BRDT: variants seen among roughly 807,000 people sequenced by gnomAD.
The protein encoded by BRDT is bromodomain testis-specific protein.
In BRDT, 77 loss-of-function variants were observed where a neutral mutation model predicts 113.9. The observed-to-expected ratio is 0.68, with a 90% CI of 0.56 to 0.82. The LOEUF is 0.82. Among genes scored for constraint, BRDT ranks in the 40% least tolerant of loss-of-function variants. The pLI, the probability that BRDT is intolerant of heterozygous loss-of-function variation, is 0.00. For missense variants in BRDT, 1,027 were observed against 1,105.4 expected (o/e 0.93, Z 1.01); for synonymous variants, 358 against 366.5 (o/e 0.98, Z 0.26).
At chr1:92,005,816 T>C (rs1687245460) in intron 18 of BRDT, among the ~76,000 whole-genome samples, 1 of 152,248 alleles carries the variant, frequency 6.6e-6, no homozygotes, top group African/African-American at 2.4e-5. Flanking sequence ...TCACTTACTA[T>C]TGTTACTGTT....
chr1:92,001,495 A>T (rs1427679794), intron 15 of BRDT, among the ~76,000 whole-genome samples: 1 of 152,200 alleles, frequency 6.6e-6, no homozygotes, highest in African/African-American at 2.4e-5. Flanking sequence ...CAGGAGTTCA[A>T]GTCCAGCCTG....
chr1:91,977,834 C>T (rs1684306303), intron 6 of BRDT, among the ~76,000 whole-genome samples: 1 of 152,018 alleles, frequency 6.6e-6, no homozygotes, highest in African/African-American at 2.4e-5. Context: ...TCATCCACTG[C>T]ACTCCAGGCT....
In BRDT at chr1:91,954,271, A is replaced by AT. The variant is rs34674557; in HGVS notation, c.-38+4615dup. ...TTAGGTGCGAGCCACGGTGCTCGGC[A>AT]TTTTTTTTTTTTTTTTTTTTTTTTT... On this transcript the variant is annotated intron_variant, in intron 1 of 18. Coordinates refer to ENST00000399546, the MANE Select transcript of BRDT (RefSeq NM_207189.4). Among the ~76,000 whole-genome samples, 608 of 79,780 alleles carry AT rather than the reference A, an allele frequency of 7.6e-3. 23 individuals carry two copies. Among genetic ancestry groups the AT allele is most frequent in the East Asian group, 0.025 (68 of 2,734 alleles). The allele number at this position is 79,780 out of a possible 152,430, so 52.3% of individuals were successfully genotyped here.
intron 3 of BRDT, 21 bp downstream of exon 3, chr1:91,964,785 A>G (rs1287755457): frequency 7.2e-7 from 1 of 1,388,774 alleles, no homozygotes; most frequent in Non-Finnish European, 9.6e-7. Context: ...CTTATGTTAT[A>G]CTTGCTAATT....
At position 91,976,319 on chromosome 1, in the gene BRDT, G is replaced by A. The variant is rs112246679; in HGVS notation, c.499G>A (p.Ala167Thr). The A allele has an allele frequency of 3.1e-3, 4,966 of 1,611,584 alleles. 21 individuals are homozygous for A. The highest frequency in any genetic ancestry group is 8.1e-3 in the Middle Eastern group (49 of 6,054). The change falls in exon 5 of 19, where the codon GCA (alanine) becomes ACA (threonine). Residue 167 changes from alanine (A) to threonine (T), a missense_variant. By Grantham distance (58) the Ala-to-Thr change is moderately conservative. Coordinates refer to ENST00000399546, the MANE Select transcript of BRDT (RefSeq NM_207189.4). ...TGCTAAAGAAAAATCATCACCCAGC[G>A]CAACAGAAAAAGTATTTAAGCAGCA... Reference protein sequence around the residue: ...SSAKEKSSPSATEKVFKQQEI... With the variant: ...SSAKEKSSPSTTEKVFKQQEI...
In BRDT at chr1:91,981,527, C is replaced by T. The variant is rs550420969; in HGVS notation, c.1865-91C>T. 18 of 1,560,072 alleles carry T rather than the reference C, an allele frequency of 1.2e-5. No homozygotes were observed. In the South Asian group the frequency reaches 1.6e-4, roughly 14 times the overall value. ...TCAAAGTGCTGAGATTACAGGCATG[C>T]GCGACCATGCCCAGCCTAGGTGGCA... On this transcript the variant is annotated intron_variant, in intron 11 of 18. Coordinates refer to ENST00000399546, the MANE Select transcript of BRDT (RefSeq NM_207189.4).
At chr1:91,993,637 A>G (rs1271321040) in intron 14 of BRDT, among the ~76,000 whole-genome samples, 1 of 152,196 alleles carries the variant, frequency 6.6e-6, no homozygotes, top group African/African-American at 2.4e-5. Flanking sequence ...GTAATTTTAA[A>G]TTTATCCCCT....
intron 2 of BRDT, among the ~76,000 whole-genome samples, 162 bp from the exon 3 acceptor site, chr1:91,964,465 G>A (rs529551846): frequency 1.3e-5 from 2 of 152,360 alleles, no homozygotes; most frequent in East Asian, 3.9e-4. Context: ...CGAAGTGCGG[G>A]ACTACAGGCG....
At position 91,980,587 on chromosome 1, in the gene BRDT, A is replaced by T. The variant is rs1570537098; in HGVS notation, c.1288-56A>T. 37 of 1,309,700 alleles carry T rather than the reference A, an allele frequency of 2.8e-5. No individual in the cohort carries two copies. In the Admixed American group the frequency reaches 4.0e-4, roughly 14 times the overall value. 81.1% of individuals were successfully genotyped at this position (1,309,700 alleles called of 1,614,324 possible). A position where few individuals can be genotyped will look rare whatever the true frequency, so the allele number is the denominator to read the frequency against. ...CTTTGGAGTGGCTTGATTTTTTTCT[A>T]GTTTCTTTAATTATTTAGAGACATG... On this transcript the variant is annotated intron_variant, in intron 8 of 18. Coordinates refer to ENST00000399546, the MANE Select transcript of BRDT (RefSeq NM_207189.4).
At chr1:91,992,134 C>T in intron 13 of BRDT, 130 bp from the exon 14 acceptor site, 1 of 419,966 alleles carries the variant, frequency 2.4e-6, no homozygotes, top group Non-Finnish European at 4.1e-6. Context: ...GTAACAACAT[C>T]TAACTAGGTT....
intron 12 of BRDT, among the ~76,000 whole-genome samples, chr1:91,986,165 A>G (rs543855839): frequency 6.6e-6 from 1 of 152,336 alleles, no homozygotes; most frequent in South Asian, 2.1e-4. Context: ...AATGAAATCA[A>G]TTCTAATGCA....
chr1:92,010,763 T>C (rs1253745331), intron 18 of BRDT, among the ~76,000 whole-genome samples: 1 of 152,182 alleles, frequency 6.6e-6, no homozygotes, highest in Non-Finnish European at 1.5e-5. Context: ...TTTTTTTATC[T>C]CTATTAAACT....
At chr1:92,000,068 T>A (rs1686699150) in intron 15 of BRDT, among the ~76,000 whole-genome samples, 1 of 152,214 alleles carries the variant, frequency 6.6e-6, no homozygotes, top group Non-Finnish European at 1.5e-5. Flanking sequence ...TTTTGTTTGG[T>A]AGAGATGGGA....
At chr1:91,982,962 G>A (rs1684851917) in intron 12 of BRDT, among the ~76,000 whole-genome samples, 1 of 152,060 alleles carries the variant, frequency 6.6e-6, no homozygotes, top group African/African-American at 2.4e-5. Flanking sequence ...AGCATTTGTG[G>A]TCTAATAAGT....
chr1:91,983,263 CTTTT>C (rs34326851), intron 12 of BRDT, among the ~76,000 whole-genome samples: 19 of 103,202 alleles, frequency 1.8e-4, no homozygotes, highest in South Asian at 3.3e-4. Context: ...GAATTCAAAT[CTTTT>C]TTTTTTTTTT....
intron 15 of BRDT, among the ~76,000 whole-genome samples, chr1:91,997,182 T>C (rs1393856151): frequency 6.6e-6 from 1 of 152,000 alleles, no homozygotes; most frequent in Non-Finnish European, 1.5e-5. Flanking sequence ...GGATGAGGAA[T>C]GGAGAGAGAG....
chr1:91,993,100 G>A (rs766895123), intron 14 of BRDT, among the ~76,000 whole-genome samples: 1 of 152,142 alleles, frequency 6.6e-6, no homozygotes, highest in African/African-American at 2.4e-5. Flanking sequence ...ATATATTTGT[G>A]TAGTTCAGAA....
intron 1 of BRDT, among the ~76,000 whole-genome samples, chr1:91,958,360 C>T (rs533597973): frequency 2.0e-5 from 3 of 151,878 alleles, no homozygotes; most frequent in East Asian, 1.9e-4. Flanking sequence ...GGATTACAAG[C>T]GTTCACTGCC....
chr1:91,955,633 A>T (rs938774996), intron 1 of BRDT, among the ~76,000 whole-genome samples: 1 of 152,022 alleles, frequency 6.6e-6, no homozygotes, highest in Admixed American at 6.6e-5. Flanking sequence ...AAGCCACATA[A>T]GCCCATTTTT....
Sources: gnomAD v4.1 joint callset for allele counts (sites outside exome capture counted in the v4.1 genomes callset) on GRCh38, gnomAD v4.1.1 for gene constraint, MANE v1.5 for transcripts, NCBI Gene and HGNC (gene_info 2026-07-23, HGNC 2026-07-21) for gene names.